Variants in AFF4 observed in about 807,000 individuals in gnomAD.
The protein encoded by AFF4 is ALF transcription elongation factor 4.
In AFF4, 13 loss-of-function variants were observed where a neutral mutation model predicts 124.8. The ratio of observed to expected loss-of-function variants is 0.10; its 90% confidence interval spans 0.07 to 0.17. The LOEUF is 0.17. AFF4 is among the 10% of genes least tolerant of loss of function. The pLI, the probability that AFF4 is intolerant of heterozygous loss-of-function variation, is 1.00. For synonymous variants in AFF4, 477 were observed against 496.1 expected (o/e 0.96, Z 0.51); for missense variants, 1,092 against 1,403.8 (o/e 0.78, Z 3.55).
chr5:132,892,199 C>G lies in AFF4; in HGVS notation c.2602G>C (p.Glu868Gln). The G allele has an allele frequency of 2.5e-6, 4 of 1,614,106 alleles. No homozygotes were observed. Among genetic ancestry groups the G allele is most frequent in the Non-Finnish European group, 2.5e-6 (3 of 1,180,018 alleles). The change falls in exon 13 of 21, where the codon GAA (glutamate) becomes CAA (glutamine). Residue 868 changes from glutamate to glutamine, a missense_variant. This residue lies in a region of AFF4 where 293 missense variants were observed against 280.2 expected (regional missense o/e 1.05). Coordinates refer to ENST00000265343, the MANE Select transcript of AFF4 (RefSeq NM_014423.4). ...SSSTSKQKKT[E>Q]GKTSSSSKEV... is the part of the protein sequence containing the mutation. ...TTGGAGCTACTGGAAGTCTTCCCTTCGGTCTTCTTCTGCTTTGATGTGGAG... is the reference window on the plus strand; with the variant it reads ...TTGGAGCTACTGGAAGTCTTCCCTTGGGTCTTCTTCTGCTTTGATGTGGAG...
In AFF4 at chr5:132,879,037, C is replaced by T. The variant is rs541435121; in HGVS notation, c.*2022G>A. 2.4e-4 allele frequency: 54 copies of T among 222,442 alleles called. No individual in the cohort carries two copies. The highest frequency in any genetic ancestry group is 8.2e-4 in the African/African-American group (37 of 44,876). 13.8% of individuals were successfully genotyped at this position (222,442 alleles called of 1,614,324 possible). A position where few individuals can be genotyped will look rare whatever the true frequency, so the allele number is the denominator to read the frequency against. On this transcript the variant is annotated 3_prime_UTR_variant, in exon 21 of 21. Transcript: ENST00000265343. ...ATCATGATCATTGAGAAGTTGTCCT[C>T]TTATGGAAAACTGTTCCTAGAACAC...
chr5:132,920,269 C>T (rs968713639), intron 5 of AFF4, among the ~76,000 whole-genome samples: 9 of 151,790 alleles, frequency 5.9e-5, no homozygotes, highest in African/African-American at 1.2e-4. Context: ...AGGCTGGTCT[C>T]GAACTCCTGA....
intron 10 of AFF4, 103 bp from the exon 11 acceptor site, chr5:132,897,343 G>T: frequency 8.4e-7 from 1 of 1,189,210 alleles, no homozygotes; most frequent in Non-Finnish European, 1.2e-6. Flanking sequence ...AATGCCTAAT[G>T]CAACAAAAGC....
intron 1 of AFF4, among the ~76,000 whole-genome samples, chr5:132,953,434 G>T (rs903486214): frequency 2.0e-5 from 3 of 151,230 alleles, no homozygotes; most frequent in African/African-American, 7.3e-5. Flanking sequence ...ATTTTTTGTA[G>T]AGACAAGATC....
chr5:132,924,207 T>A (rs1191751158), intron 5 of AFF4, among the ~76,000 whole-genome samples: 1 of 151,908 alleles, frequency 6.6e-6, no homozygotes, highest in Non-Finnish European at 1.5e-5. Context: ...TGAGCCGAGA[T>A]CATGCCACCG....
chr5:132,948,995 C>A (rs921174082), intron 1 of AFF4, among the ~76,000 whole-genome samples: 1 of 151,998 alleles, frequency 6.6e-6, no homozygotes, highest in Non-Finnish European at 1.5e-5. Flanking sequence ...AGAAGATGCT[C>A]TCTTCTGAGA....
chr5:132,951,531 CT>C (rs968864743), intron 1 of AFF4, among the ~76,000 whole-genome samples: 2 of 152,110 alleles, frequency 1.3e-5, no homozygotes, highest in Non-Finnish European at 2.9e-5. Flanking sequence ...AATTTCTTTT[CT>C]TTTTCTTTTT....
intron 1 of AFF4, among the ~76,000 whole-genome samples, chr5:132,944,745 C>A (rs1259458871): frequency 2.0e-5 from 3 of 151,786 alleles, no homozygotes; most frequent in Non-Finnish European, 2.9e-5. Flanking sequence ...GTCTGGCCAA[C>A]AGAGTGAAAC....
intron 5 of AFF4, among the ~76,000 whole-genome samples, chr5:132,916,357 G>A (rs2150085611): frequency 6.6e-6 from 1 of 151,506 alleles, no homozygotes; most frequent in South Asian, 2.1e-4. Flanking sequence ...TAGCCCAGGA[G>A]TTTGAGACCA....
At chr5:132,938,757 C>T (rs913139871) in intron 1 of AFF4, among the ~76,000 whole-genome samples, 1 of 151,152 alleles carries the variant, frequency 6.6e-6, no homozygotes, top group Non-Finnish European at 1.5e-5. Context: ...TCCTGGCTAA[C>T]ACGGTGAAAC....
chr5:132,906,633 T>A (rs1760677300), intron 5 of AFF4, among the ~76,000 whole-genome samples: 1 of 152,152 alleles, frequency 6.6e-6, no homozygotes, highest in Admixed American at 6.5e-5. Flanking sequence ...GGATAACAGC[T>A]AAAGGGTACA....
intron 1 of AFF4, among the ~76,000 whole-genome samples, chr5:132,949,354 A>G (rs1306972890): frequency 6.6e-6 from 1 of 151,734 alleles, no homozygotes; most frequent in Admixed American, 6.6e-5. Flanking sequence ...GCTCTCTGCC[A>G]TCTTTTGGAA....
chr5:132,960,739 A>G (rs556610146), intron 1 of AFF4, among the ~76,000 whole-genome samples: 3 of 152,318 alleles, frequency 2.0e-5, no homozygotes, highest in South Asian at 4.1e-4. Context: ...ATATTATCAC[A>G]TTCAAATTCA....
At chr5:132,914,600 C>T (rs1364685444) in intron 5 of AFF4, among the ~76,000 whole-genome samples, 1 of 128,352 alleles carries the variant, frequency 7.8e-6, no homozygotes, top group African/African-American at 2.9e-5. Flanking sequence ...GACTCCATTT[C>T]AAAAAAAAAA....
intron 7 of AFF4, chr5:132,900,781 C>T: frequency 1.2e-6 from 1 of 821,164 alleles, no homozygotes; most frequent in Middle Eastern, 6.3e-4. Flanking sequence ...CATTCCTTGT[C>T]TTTTTACATG....
intron 11 of AFF4, among the ~76,000 whole-genome samples, chr5:132,894,999 T>C (rs1191418434): frequency 2.0e-5 from 3 of 152,114 alleles, no homozygotes; most frequent in Non-Finnish European, 2.9e-5. Context: ...AGTAATACTT[T>C]TTAAGCACAA....
chr5:132,883,451 T>C lies in AFF4; in HGVS notation c.3253A>G (p.Ile1085Val). Residue 1085 changes from isoleucine to valine, a missense_variant, in exon 20 of 21, where the codon ATT becomes GTT. Transcript: ENST00000265343. The part of the protein sequence containing the change: ...SASASGSSVT[I>V]PQKIHQMAAS... Reference sequence around the variant, plus strand: ...GCCATCTGGTGGATCTTCTGTGGAATGGTCACTGAAGAACCACTTGCAGAA... The same window carrying C: ...GCCATCTGGTGGATCTTCTGTGGAACGGTCACTGAAGAACCACTTGCAGAA... 1.9e-6 allele frequency: 3 copies of C among 1,614,112 alleles called. No individual in the cohort carries two copies. Among genetic ancestry groups the C allele is most frequent in the East Asian group, 2.2e-5 (1 of 44,886 alleles).
chr5:132,882,616 G>A (rs1760008834), intron 20 of AFF4, among the ~76,000 whole-genome samples: 1 of 152,024 alleles, frequency 6.6e-6, no homozygotes, highest in African/African-American at 2.4e-5. Context: ...CAGCACTTTG[G>A]GAGGCTGAGA....
rs1561475333 is a variant in AFF4 at position 132,879,076 on chromosome 5, TAG to T, written c.*1981_*1982del. 2 of 221,178 alleles carry T rather than the reference TAG, an allele frequency of 9.0e-6. No individual in the cohort carries two copies. The highest frequency in any genetic ancestry group is 6.7e-5 in the East Asian group (1 of 15,008). 13.7% of individuals were successfully genotyped at this position (221,178 alleles called of 1,614,324 possible). ...TTCCTAGAACACACTAAGATTAAGTTAGAAAGATATCAGAGGCAATTTCTCCA... is the reference window on the plus strand; with the variant it reads ...TTCCTAGAACACACTAAGATTAAGTTAAAGATATCAGAGGCAATTTCTCCA... On this transcript the variant is annotated 3_prime_UTR_variant, in exon 21 of 21. Transcript: ENST00000265343.
Sources: gnomAD v4.1 joint callset for allele counts (sites outside exome capture counted in the v4.1 genomes callset) on GRCh38, gnomAD v4.1.1 for gene constraint, gnomAD v4.1.1 regional missense constraint, MANE v1.5 for transcripts, NCBI Gene and HGNC (gene_info 2026-07-23, HGNC 2026-07-21) for gene names.